Variants in SMIM14 observed in about 807,000 individuals in gnomAD.
SMIM14 encodes the protein small integral membrane protein 14, also known as chromosome 4 open reading frame 34.
Under a neutral mutation model 12.6 loss-of-function variants are expected in SMIM14, and 5 were observed. The observed-to-expected ratio is 0.40, with a 90% CI of 0.21 to 0.83. SMIM14 has a LOEUF of 0.83. Among genes scored for constraint, SMIM14 ranks in the 40% least tolerant of loss-of-function variants. SMIM14 has a pLI of 0.37. For synonymous variants in SMIM14, 30 were observed against 40.1 expected (o/e 0.75, Z 0.95); for missense variants, 86 against 119.1 (o/e 0.72, Z 1.29).
Position 39,572,434 on chromosome 4 carries a change from G to A in SMIM14, c.105C>T (p.Asp35=). ...LLRQSQSYCT[D]TECLQELPGP... ...ACTTACATTCCTGAAGACACTCTGT[G>A]TCTGTGCAGTAGGACTGGGACTGCC... The change falls in exon 3 of 5, where the codon GAC becomes GAT. Residue 35 remains aspartate (D), a synonymous_variant. Coordinates refer to ENST00000295958, the MANE Select transcript of SMIM14 (RefSeq NM_174921.3). 1 of 1,611,162 alleles carries A rather than the reference G, an allele frequency of 6.2e-7. No individual in the cohort carries two copies. Among genetic ancestry groups the A allele is most frequent in the Non-Finnish European group, 8.5e-7 (1 of 1,178,698 alleles).
At chr4:39,583,866 C>CA (rs1713641944) in intron 2 of SMIM14, 1 of 152,044 alleles carries the variant, frequency 6.6e-6, no homozygotes, top group South Asian at 2.1e-4. Context: ...CATTTAATTT[C>CA]ATCATTTCCA....
intron 2 of SMIM14, 120 bp from the exon 3 acceptor site, chr4:39,572,583 A>G: frequency 1.3e-6 from 1 of 749,076 alleles, no homozygotes; most frequent in Non-Finnish European, 2.3e-6. Flanking sequence ...CACACTTTGG[A>G]GGCTGAGGTG....
rs148558899 is a variant in SMIM14, at chr4:39,557,433, C to T, written c.125-863G>A. On this transcript the variant is annotated intron_variant, in intron 3 of 4. Transcript: ENST00000295958. ...TCTTAATATTTTGGGGTAACAGAAT[C>T]ATTTGAGAATTTGATAAAAATTAAG... Among the ~76,000 whole-genome samples, 588 of 152,182 alleles carry T rather than the reference C, an allele frequency of 3.9e-3. 6 individuals carry two copies. The highest frequency in any genetic ancestry group is 0.013 in the African/African-American group (558 of 41,512).
Position 39,546,505 on chromosome 4 carries a change from A to G in SMIM14, c.*5621T>C, listed in dbSNP as rs927946159. 9 of 151,356 alleles carry G rather than the reference A, an allele frequency of 5.9e-5. No individual in the cohort carries two copies. The highest frequency in any genetic ancestry group is 8.8e-5 in the Non-Finnish European group (6 of 67,842). 9.4% of individuals were successfully genotyped at this position (151,356 alleles called of 1,614,324 possible). On this transcript the variant is annotated 3_prime_UTR_variant, in exon 5 of 5. Coordinates refer to ENST00000295958, the MANE Select transcript of SMIM14 (RefSeq NM_174921.3). ...TTGGTGTTTATGGAGCATCTTTTGG[A>G]GGGGGGGGAACCCCCAACAACTCTA...
At chr4:39,634,659 T>C (rs866792054) in intron 1 of SMIM14, among the ~76,000 whole-genome samples, 1 of 152,202 alleles carries the variant, frequency 6.6e-6, no homozygotes, top group Non-Finnish European at 1.5e-5. Context: ...TTCTCAAAGT[T>C]TGATATGCAT....
chr4:39,551,971 G>A lies in SMIM14; in HGVS notation c.*155C>T. 1 of 489,578 alleles carries A rather than the reference G, an allele frequency of 2.0e-6. No homozygotes were observed. Among genetic ancestry groups the A allele is most frequent in the Non-Finnish European group, 3.6e-6 (1 of 279,024 alleles). The allele number at this position is 489,578 out of a possible 1,614,324, so 30.3% of individuals were successfully genotyped here. ...TAACACAGGAAGCAAAAATAAACTT[G>A]CAAGTGAAATTTCTAGAAGCTCATG... On this transcript the variant is annotated 3_prime_UTR_variant, in exon 5 of 5. Transcript: ENST00000295958.
intron 1 of SMIM14, among the ~76,000 whole-genome samples, chr4:39,636,538 T>C (rs530622833): frequency 3.0e-4 from 45 of 152,284 alleles, no homozygotes; most frequent in Admixed American, 1.0e-3. Flanking sequence ...AAGGGATACA[T>C]TCAAAGAAAC....
At position 39,638,831 on chromosome 4, in the gene SMIM14, T is replaced by G. The variant is rs1716207292; in HGVS notation, c.-128A>C. 1.0e-6 allele frequency: 1 copy of G among 985,892 alleles called. No individual in the cohort carries two copies. The highest frequency in any genetic ancestry group is 1.7e-5 in the African/African-American group (1 of 57,372). 61.1% of individuals were successfully genotyped at this position (985,892 alleles called of 1,614,324 possible). Reference sequence around the variant, plus strand: ...CCTGGAGCTTCCAGAAGGCTGCGGCTGCTCCGGACGCTGCTGCCACTGCCG... The same window carrying G: ...CCTGGAGCTTCCAGAAGGCTGCGGCGGCTCCGGACGCTGCTGCCACTGCCG... On this transcript the variant is annotated 5_prime_UTR_variant, in exon 1 of 5. Coordinates refer to ENST00000295958, the MANE Select transcript of SMIM14 (RefSeq NM_174921.3).
intron 3 of SMIM14, among the ~76,000 whole-genome samples, chr4:39,563,835 T>C (rs1712441570): frequency 6.6e-6 from 1 of 152,200 alleles, no homozygotes; most frequent in African/African-American, 2.4e-5. Flanking sequence ...CTTAGGTATA[T>C]AATCCCTGAG....
At chr4:39,577,408 G>A (rs947031124) in intron 2 of SMIM14, among the ~76,000 whole-genome samples, 6 of 149,892 alleles carry the variant, frequency 4.0e-5, no homozygotes, top group African/African-American at 1.5e-4. Context: ...CTCACTGCTG[G>A]GCAGACAGGA....
intron 3 of SMIM14, among the ~76,000 whole-genome samples, chr4:39,567,718 C>T (rs1267961351): frequency 6.6e-6 from 1 of 151,376 alleles, no homozygotes; most frequent in Non-Finnish European, 1.5e-5. Context: ...GCTTGGGCAA[C>T]AAGAGCAAGA....
Position 39,619,454 on chromosome 4 carries a change from TTC to T in SMIM14, c.-35-14276_-35-14275del, listed in dbSNP as rs1162985198. Among the ~76,000 whole-genome samples, 55 of 82,052 alleles carry T rather than the reference TTC, an allele frequency of 6.7e-4. 2 individuals are homozygous for T. Among genetic ancestry groups the T allele is most frequent in the South Asian group, 3.3e-3 (7 of 2,150 alleles). 53.8% of individuals were successfully genotyped at this position (82,052 alleles called of 152,430 possible). A position where few individuals can be genotyped will look rare whatever the true frequency, so the allele number is the denominator to read the frequency against. On this transcript the variant is annotated intron_variant, in intron 1 of 4. Transcript: ENST00000295958. ...ATTCTATATCAATAAATATAATTTA[TTC>T]TATATCAATAAATATAATTTATTCT...
chr4:39,595,790 G>A (rs28515172), intron 2 of SMIM14, among the ~76,000 whole-genome samples: 1 of 151,060 alleles, frequency 6.6e-6, no homozygotes, highest in Non-Finnish European at 1.5e-5. Flanking sequence ...TTTTATTTTC[G>A]GTAGAGAAGG....
At chr4:39,583,483 C>T (rs750094352) in intron 2 of SMIM14, among the ~76,000 whole-genome samples, 5 of 151,962 alleles carry the variant, frequency 3.3e-5, no homozygotes, top group Non-Finnish European at 5.9e-5. Flanking sequence ...AGTCACAAAA[C>T]GAGGGAGGCT....
chr4:39,622,251 T>G (rs1715527742), intron 1 of SMIM14, among the ~76,000 whole-genome samples: 2 of 151,294 alleles, frequency 1.3e-5, no homozygotes, highest in Non-Finnish European at 2.9e-5. Context: ...GCCCAGCTAA[T>G]TTTTGTATTT....
intron 2 of SMIM14, among the ~76,000 whole-genome samples, chr4:39,597,600 C>T (rs1286557402): frequency 6.6e-6 from 1 of 151,950 alleles, no homozygotes; most frequent in Non-Finnish European, 1.5e-5. Flanking sequence ...CCTGCCACCA[C>T]ACCCAGCTAA....
intron 1 of SMIM14, among the ~76,000 whole-genome samples, chr4:39,634,542 T>C (rs1716022948): frequency 6.6e-6 from 1 of 152,216 alleles, no homozygotes. Flanking sequence ...ACAGTAATTT[T>C]TAGCATAATA....
intron 2 of SMIM14, among the ~76,000 whole-genome samples, chr4:39,603,204 T>C (rs1714681278): frequency 1.3e-5 from 2 of 152,226 alleles, no homozygotes; most frequent in African/African-American, 4.8e-5. Context: ...TAATGTGTAA[T>C]ATAAGAATAT....
intron 4 of SMIM14, among the ~76,000 whole-genome samples, chr4:39,554,056 A>G (rs1290505751): frequency 6.6e-6 from 1 of 152,210 alleles, no homozygotes; most frequent in Non-Finnish European, 1.5e-5. Context: ...TTTCTCTTAT[A>G]TAAAAAATGA....
Sources: allele counts gnomAD v4.1 joint callset (sites outside exome capture counted in the v4.1 genomes callset), GRCh38; gene constraint gnomAD v4.1.1; transcripts MANE v1.5; gene names NCBI Gene and HGNC (gene_info 2026-07-23, HGNC 2026-07-21).